The following CNTNAP5 variants were observed in gnomAD, a reference collection of about 807,000 sequenced individuals.
The protein encoded by CNTNAP5 is contactin-associated protein-like 5.
A neutral mutation model predicts 150.2 loss-of-function variants in CNTNAP5; 72 were observed. The observed-to-expected ratio is 0.48, with a 90% CI of 0.40 to 0.58. The LOEUF (loss-of-function observed/expected upper bound fraction) is 0.58. Ranked by LOEUF, CNTNAP5 falls within the 20% of genes least tolerant of loss-of-function variation. CNTNAP5 has a pLI of 0.00. For missense variants in CNTNAP5, 1,636 were observed against 1,626.2 expected, an observed-to-expected ratio of 1.01 and a Z score of -0.10; for synonymous variants, 672 against 619.8, an observed-to-expected ratio of 1.08 and a Z score of -1.25.
intron 1 of CNTNAP5, among the ~76,000 whole-genome samples, chr2:124,042,202 C>T (rs888985358): frequency 2.0e-5 from 3 of 152,106 alleles, no homozygotes; most frequent in African/African-American, 7.2e-5. Context: ...AGCATTTAGA[C>T]TTATAGAGAG....
chr2:124,688,590 A>T (rs1356495576), intron 13 of CNTNAP5, among the ~76,000 whole-genome samples: 1 of 152,082 alleles, frequency 6.6e-6, no homozygotes, highest in East Asian at 1.9e-4. Flanking sequence ...AATTAATACA[A>T]AAAGGAAGAA....
At chr2:124,341,028 T>C (rs1689602428) in intron 3 of CNTNAP5, among the ~76,000 whole-genome samples, 1 of 151,716 alleles carries the variant, frequency 6.6e-6, no homozygotes, top group Admixed American at 6.6e-5. Context: ...CAGTGAGCTA[T>C]GACTGTGCCA....
intron 13 of CNTNAP5, among the ~76,000 whole-genome samples, chr2:124,673,017 G>A (rs1331001828): frequency 2.0e-5 from 3 of 152,218 alleles, no homozygotes; most frequent in East Asian, 3.9e-4. Context: ...AAGTGATGGA[G>A]AATAAAATTG....
intron 1 of CNTNAP5, 42 bp downstream of exon 1, chr2:124,025,774 C>A (rs761555887): frequency 1.4e-6 from 2 of 1,453,324 alleles, no homozygotes; most frequent in Non-Finnish European, 1.9e-6. Flanking sequence ...AGGTGGAAAA[C>A]GATCGCATTC....
chr2:124,534,659 G>A (rs534104334), intron 10 of CNTNAP5, among the ~76,000 whole-genome samples: 1 of 152,254 alleles, frequency 6.6e-6, no homozygotes, highest in African/African-American at 2.4e-5. Flanking sequence ...TGGATCACGA[G>A]GTCAGGACAT....
rs148912810 is a variant in CNTNAP5 at position 124,203,147 on chromosome 2, C to A, written c.83-18558C>A. On this transcript the variant is annotated intron_variant, in intron 1 of 23. Coordinates refer to ENST00000682447, the MANE Select transcript of CNTNAP5 (RefSeq NM_001367498.1). ...AAATACACCCATTGCAAATGGAAGACATTGGCCAAAACGAAGGGGTTACAG... is the reference window on the plus strand; with the variant it reads ...AAATACACCCATTGCAAATGGAAGAAATTGGCCAAAACGAAGGGGTTACAG... 5.3e-5 allele frequency among the ~76,000 whole-genome samples: 8 copies of A among 152,232 alleles called. No homozygotes were observed. The East Asian group carries it at 1.5e-3, about 29-fold the overall frequency.
chr2:124,769,638 G>C (rs1681147067), intron 16 of CNTNAP5, among the ~76,000 whole-genome samples: 1 of 152,192 alleles, frequency 6.6e-6, no homozygotes. Flanking sequence ...ACAGTGGGAT[G>C]TATCATTCAT....
At chr2:124,343,102 A>T (rs1342412201) in intron 3 of CNTNAP5, among the ~76,000 whole-genome samples, 1 of 152,210 alleles carries the variant, frequency 6.6e-6, no homozygotes, top group Non-Finnish European at 1.5e-5. Flanking sequence ...GTGGACAACG[A>T]GACAAGACTT....
At position 124,078,739 on chromosome 2, in the gene CNTNAP5, A is replaced by T. The variant is rs543678818; in HGVS notation, c.82+53007A>T. Among the ~76,000 whole-genome samples, 463 of 152,276 alleles carry T rather than the reference A, an allele frequency of 3.0e-3. 5 individuals are homozygous for T. The highest frequency in any genetic ancestry group is 5.5e-3 in the Non-Finnish European group (375 of 68,020). The stretch of plus-strand genomic sequence containing the variant: ...TGCTATTCTGATAGCAAACATTGAG[A>T]CAAGGAATTGGGTGCAGGTATTTTA... On this transcript the variant is annotated intron_variant, in intron 1 of 23. Transcript: ENST00000682447.
chr2:124,179,991 A>C (rs74266580), intron 1 of CNTNAP5, among the ~76,000 whole-genome samples: 22,672 of 151,872 alleles, frequency 0.15, 1,714 homozygotes, highest in Middle Eastern at 0.33. Flanking sequence ...TTTTTTTTCT[A>C]CCTAGGTAAT....
chr2:124,601,476 A>G (rs1696981845), intron 11 of CNTNAP5, among the ~76,000 whole-genome samples: 1 of 152,210 alleles, frequency 6.6e-6, no homozygotes, highest in South Asian at 2.1e-4. Flanking sequence ...ACATCCCAGA[A>G]AGCACTATTA....
chr2:124,778,458 C>A (rs1258742115), intron 17 of CNTNAP5: 1 of 152,832 alleles, frequency 6.5e-6, no homozygotes, highest in South Asian at 2.1e-4. Context: ...CTTCGTCTAC[C>A]TTTTCCATGC....
At chr2:124,104,911 C>T (rs1024398987) in intron 1 of CNTNAP5, among the ~76,000 whole-genome samples, 2 of 152,102 alleles carry the variant, frequency 1.3e-5, no homozygotes, top group African/African-American at 2.4e-5. Flanking sequence ...TTATATTATA[C>T]ACAGTTAGAA....
intron 13 of CNTNAP5, among the ~76,000 whole-genome samples, chr2:124,721,514 T>TA (rs1553435293): frequency 4.0e-5 from 6 of 148,642 alleles, no homozygotes; most frequent in African/African-American, 1.3e-4. Context: ...AATAAATACA[T>TA]AAATAAATAT....
At chr2:124,698,758 A>T (rs974090615) in intron 13 of CNTNAP5, among the ~76,000 whole-genome samples, 4 of 152,058 alleles carry the variant, frequency 2.6e-5, no homozygotes, top group Non-Finnish European at 4.4e-5. Flanking sequence ...CCAAGTGCCA[A>T]GGTGTGTGGT....
chr2:124,745,851 C>T (rs1250015325), intron 13 of CNTNAP5, among the ~76,000 whole-genome samples: 1 of 152,144 alleles, frequency 6.6e-6, no homozygotes, highest in Admixed American at 6.5e-5. Flanking sequence ...TTTCTCATGA[C>T]CTTCAGATTA....
chr2:124,884,266 TG>T (rs1338097311), intron 21 of CNTNAP5, among the ~76,000 whole-genome samples: 1 of 152,098 alleles, frequency 6.6e-6, no homozygotes. Context: ...TGTATGTGTA[TG>T]GGAATACTTG....
At chr2:124,572,635 T>C (rs1460279390) in intron 11 of CNTNAP5, among the ~76,000 whole-genome samples, 2 of 152,148 alleles carry the variant, frequency 1.3e-5, no homozygotes, top group Non-Finnish European at 2.9e-5. Flanking sequence ...CCCAGTGCTC[T>C]AGCCTAAGGG....
chr2:124,565,628 C>T (rs1340038194), intron 11 of CNTNAP5, among the ~76,000 whole-genome samples: 3 of 103,198 alleles, frequency 2.9e-5, no homozygotes, highest in African/African-American at 8.2e-5. Context: ...GAGATGGAGT[C>T]TTGCTCTGTC....
Sources: allele counts gnomAD v4.1 joint callset (sites outside exome capture counted in the v4.1 genomes callset), GRCh38; gene constraint gnomAD v4.1.1; transcripts MANE v1.5; gene names NCBI Gene and HGNC (gene_info 2026-07-23, HGNC 2026-07-21).